The following SKAP1 variants were observed in gnomAD, a reference collection of about 807,000 sequenced individuals.
SKAP1 encodes src kinase-associated phosphoprotein 1.
Under a neutral mutation model 58.5 loss-of-function variants are expected in SKAP1, and 44 were observed. That is an observed-to-expected ratio of 0.75 (90% CI 0.59 to 0.97). SKAP1 has a LOEUF of 0.97. SKAP1 is among the 50% of genes least tolerant of loss of function. The pLI is 0.00. For synonymous variants in SKAP1, 127 were observed against 149.7 expected, an observed-to-expected ratio of 0.85 and a Z score of 1.11; for missense variants, 390 against 435.2, an observed-to-expected ratio of 0.90 and a Z score of 0.92.
chr17:48,200,005 G>A (rs1008302538), intron 4 of SKAP1, among the ~76,000 whole-genome samples: 4 of 151,996 alleles, frequency 2.6e-5, no homozygotes, highest in African/African-American at 9.7e-5. Context: ...AGATTGAGGA[G>A]GAAGGCTGGC....
At chr17:48,175,909 G>A (rs1272910402) in intron 9 of SKAP1, among the ~76,000 whole-genome samples, 3 of 152,150 alleles carry the variant, frequency 2.0e-5, no homozygotes, top group Admixed American at 2.0e-4. Flanking sequence ...AAGGCCAGAA[G>A]TTCAGAGGAG....
chr17:48,243,019 C>A (rs1598462606), intron 4 of SKAP1, among the ~76,000 whole-genome samples: 1 of 152,296 alleles, frequency 6.6e-6, no homozygotes, highest in East Asian at 1.9e-4. Context: ...TGTGATAGCT[C>A]TAACTCTTCG....
At chr17:48,424,562 C>G (rs2067834518) in intron 1 of SKAP1, among the ~76,000 whole-genome samples, 1 of 151,786 alleles carries the variant, frequency 6.6e-6, no homozygotes, top group African/African-American at 2.4e-5. Flanking sequence ...AATCACCTCC[C>G]ATCACATTTG....
chr17:48,405,433 CTTTCTTTCTTTCTTTCT>C (rs778682012), intron 1 of SKAP1, among the ~76,000 whole-genome samples: 2,385 of 84,142 alleles, frequency 0.028, 41 homozygotes, highest in East Asian at 0.06. Flanking sequence ...TTCTTTCTTT[CTTTCTTTCTTTCTTTCT>C]TTTCTTTCTT....
intron 4 of SKAP1, among the ~76,000 whole-genome samples, chr17:48,216,262 C>A (rs761685793): frequency 6.6e-6 from 1 of 152,170 alleles, no homozygotes; most frequent in African/African-American, 2.4e-5. Flanking sequence ...CCAGCTACAA[C>A]TTGATCTTGT....
At chr17:48,294,260 C>A (rs891687804) in intron 4 of SKAP1, 9 of 152,320 alleles carry the variant, frequency 5.9e-5, no homozygotes, top group African/African-American at 1.9e-4. Flanking sequence ...CTCTCAGACT[C>A]GGATCTCTCT....
chr17:48,331,283 T>A (rs998084709), intron 4 of SKAP1, among the ~76,000 whole-genome samples: 2 of 152,100 alleles, frequency 1.3e-5, no homozygotes, highest in African/African-American at 2.4e-5. Flanking sequence ...TAAAAAAAAA[T>A]AAGTTTAATT....
chr17:48,434,100 C>T (rs1326763170), upstream of SKAP1, among the ~76,000 whole-genome samples: 1 of 152,170 alleles, frequency 6.6e-6, no homozygotes, highest in Non-Finnish European at 1.5e-5. Flanking sequence ...TGACATGTGG[C>T]GGAGCTGACG....
At chr17:48,292,359 A>C (rs761722416) in intron 4 of SKAP1, among the ~76,000 whole-genome samples, 1 of 152,168 alleles carries the variant, frequency 6.6e-6, no homozygotes, top group Non-Finnish European at 1.5e-5. Context: ...AAAAAAACAA[A>C]AACACATCGC....
At chr17:48,256,863 T>C (rs2065428907) in intron 4 of SKAP1, among the ~76,000 whole-genome samples, 1 of 152,086 alleles carries the variant, frequency 6.6e-6, no homozygotes, top group Non-Finnish European at 1.5e-5. Context: ...CATCTCAATA[T>C]GGAGGGGAGA....
chr17:48,290,663 A>G (rs1478778651), intron 4 of SKAP1, among the ~76,000 whole-genome samples: 4 of 152,172 alleles, frequency 2.6e-5, no homozygotes, highest in Non-Finnish European at 4.4e-5. Flanking sequence ...GAGGAATGCA[A>G]ACTATGTGAA....
intron 11 of SKAP1, among the ~76,000 whole-genome samples, chr17:48,160,459 G>A (rs1398082820): frequency 1.5e-5 from 2 of 137,528 alleles, no homozygotes; most frequent in African/African-American, 5.1e-5. Context: ...TAGTAACAGA[G>A]AAGGGGAAGA....
At chr17:48,213,671 C>A (rs1207552170) in intron 4 of SKAP1, among the ~76,000 whole-genome samples, 1 of 152,176 alleles carries the variant, frequency 6.6e-6, no homozygotes, top group Non-Finnish European at 1.5e-5. Flanking sequence ...TCCAACCTAC[C>A]TTGGTGTTTC....
chr17:48,366,165 AG>A (rs2066999072), intron 2 of SKAP1, among the ~76,000 whole-genome samples: 1 of 152,278 alleles, frequency 6.6e-6, no homozygotes, highest in African/African-American at 2.4e-5. Flanking sequence ...CAGCCCAGTG[AG>A]TATATTGGTT....
intron 4 of SKAP1, among the ~76,000 whole-genome samples, chr17:48,237,611 A>G (rs1418744309): frequency 6.6e-6 from 1 of 152,172 alleles, no homozygotes; most frequent in Non-Finnish European, 1.5e-5. Flanking sequence ...AGCATTGAGG[A>G]TGTATTGGAG....
intron 2 of SKAP1, among the ~76,000 whole-genome samples, chr17:48,366,882 C>T (rs1195623115): frequency 6.6e-6 from 1 of 152,132 alleles, no homozygotes; most frequent in African/African-American, 2.4e-5. Context: ...TCTCTTCTTT[C>T]CAAAATATTG....
At chr17:48,372,694 G>A (rs1344190444) in intron 2 of SKAP1, among the ~76,000 whole-genome samples, 1 of 152,162 alleles carries the variant, frequency 6.6e-6, no homozygotes, top group East Asian at 1.9e-4. Context: ...AGGCTGGAAT[G>A]CAGTGGTGCA....
intron 1 of SKAP1, among the ~76,000 whole-genome samples, chr17:48,411,882 G>A (rs191212011): frequency 7.9e-5 from 12 of 152,098 alleles, no homozygotes; most frequent in Non-Finnish European, 1.6e-4. Flanking sequence ...AGCAAGAGGC[G>A]CCCAAGGAGC....
At chr17:48,143,625 C>G (rs2063794926) in intron 11 of SKAP1, among the ~76,000 whole-genome samples, 1 of 152,174 alleles carries the variant, frequency 6.6e-6, no homozygotes, top group Non-Finnish European at 1.5e-5. Context: ...AGGGGAAATA[C>G]ATACTCTGTC....
Sources: allele counts gnomAD v4.1 joint callset (sites outside exome capture counted in the v4.1 genomes callset), GRCh38; gene constraint gnomAD v4.1.1; transcripts MANE v1.5; gene names NCBI Gene and HGNC (gene_info 2026-07-23, HGNC 2026-07-21).